The following HPSE2 variants were observed in gnomAD, a reference collection of about 807,000 sequenced individuals.
The protein encoded by HPSE2 is heparanase 2 (inactive).
A neutral mutation model predicts 60.5 loss-of-function variants in HPSE2; 38 were observed. The observed-to-expected ratio is 0.63, with a 90% CI of 0.48 to 0.82. The LOEUF (loss-of-function observed/expected upper bound fraction) is 0.82, where lower values mean the gene tolerates loss of function less well. Ranked by LOEUF, HPSE2 falls within the 40% of genes least tolerant of loss-of-function variation. The probability of loss-of-function intolerance (pLI) is 0.00; values close to 1 mark genes in which losing one functional copy is unlikely to be tolerated. For synonymous variants in HPSE2, 295 were observed against 293.2 expected (o/e 1.01, Z -0.06); for missense variants, 713 against 740.4 (o/e 0.96, Z 0.43).
chr10:98,802,284 T>A (rs1050886564), intron 3 of HPSE2, among the ~76,000 whole-genome samples: 46 of 129,734 alleles, frequency 3.5e-4, no homozygotes, highest in Non-Finnish European at 5.6e-4. Flanking sequence ...TTCTTTTTTT[T>A]AAATTTTCTC....
chr10:98,781,489 T>C (rs1331306855), intron 3 of HPSE2, among the ~76,000 whole-genome samples: 2 of 152,146 alleles, frequency 1.3e-5, no homozygotes, highest in African/African-American at 2.4e-5. Flanking sequence ...ATGGATATCA[T>C]ATCGTTAACA....
At position 98,528,459 on chromosome 10, in the gene HPSE2, C is replaced by CA. The variant is rs200929021; in HGVS notation, c.1321-38264dup. On this transcript the variant is annotated intron_variant, in intron 9 of 11. Transcript: ENST00000370552. ...ATTTCCGGAGGCAGAGCTGGAATTACAAAAAAAAAGCAGGAGAGCAAAGAG... is the reference window on the plus strand; with the variant it reads ...ATTTCCGGAGGCAGAGCTGGAATTACAAAAAAAAAAGCAGGAGAGCAAAGAG... 1.8e-3 allele frequency among the ~76,000 whole-genome samples: 270 copies of CA among 150,710 alleles called. 1 individual carries two copies. Among genetic ancestry groups the CA allele is most frequent in the African/African-American group, 6.1e-3 (250 of 41,082 alleles).
the HPSE2 span, among the ~76,000 whole-genome samples, chr10:99,285,059 T>C: frequency 2.6e-5 from 4 of 152,148 alleles, no homozygotes; most frequent in African/African-American, 9.7e-5. Flanking sequence ...TTTCAACTTT[T>C]ATTTTAGAAT....
chr10:98,652,012 C>A (rs1946929806), intron 6 of HPSE2, among the ~76,000 whole-genome samples: 2 of 152,142 alleles, frequency 1.3e-5, no homozygotes, highest in Non-Finnish European at 2.9e-5. Context: ...CTCAGGTGAT[C>A]CACCTGCCTC....
intron 3 of HPSE2, among the ~76,000 whole-genome samples, chr10:98,758,314 C>CAA (rs61264642): frequency 0.54 from 79,291 of 147,232 alleles, 22,931 homozygotes; most frequent in South Asian, 0.75. Flanking sequence ...AAAGCAATTA[C>CAA]AAAAAAAAAA....
At chr10:98,985,621 G>A (rs1333186471) in intron 3 of HPSE2, among the ~76,000 whole-genome samples, 1 of 152,124 alleles carries the variant, frequency 6.6e-6, no homozygotes, top group Non-Finnish European at 1.5e-5. Context: ...ATAATGACAG[G>A]ATCATATTCA....
chr10:98,877,125 A>G (rs2134861647), intron 3 of HPSE2, among the ~76,000 whole-genome samples: 1 of 152,064 alleles, frequency 6.6e-6, no homozygotes, highest in East Asian at 1.9e-4. Context: ...AAAATGAATG[A>G]GCGTCCTTCG....
chr10:99,153,449 C>T (rs1163591648), intron 2 of HPSE2, among the ~76,000 whole-genome samples: 1 of 152,184 alleles, frequency 6.6e-6, no homozygotes, highest in Non-Finnish European at 1.5e-5. Context: ...TGACCCCTGA[C>T]CCCCGAGCAG....
At chr10:98,843,446 G>A (rs1951965410) in intron 3 of HPSE2, among the ~76,000 whole-genome samples, 1 of 152,158 alleles carries the variant, frequency 6.6e-6, no homozygotes, top group Non-Finnish European at 1.5e-5. Flanking sequence ...CAAAATTGGA[G>A]GGAAACAATG....
chr10:98,579,267 G>C (rs1944726479), intron 9 of HPSE2, among the ~76,000 whole-genome samples: 1 of 152,196 alleles, frequency 6.6e-6, no homozygotes. Context: ...AGATCCTGAA[G>C]CAGAGCTGAT....
At chr10:98,684,659 T>A (rs1403674056) in intron 6 of HPSE2, among the ~76,000 whole-genome samples, 1 of 152,120 alleles carries the variant, frequency 6.6e-6, no homozygotes, top group African/African-American at 2.4e-5. Flanking sequence ...TCATCTTCCA[T>A]AGGAGCATCA....
intron 3 of HPSE2, among the ~76,000 whole-genome samples, chr10:98,748,617 A>AG (rs1315639470): frequency 6.6e-6 from 1 of 152,176 alleles, no homozygotes; most frequent in African/African-American, 2.4e-5. Flanking sequence ...AAAAGTATAC[A>AG]GGCTTGGGTG....
At chr10:99,019,979 T>A (rs1436250711) in intron 3 of HPSE2, among the ~76,000 whole-genome samples, 1 of 152,140 alleles carries the variant, frequency 6.6e-6, no homozygotes, top group East Asian at 1.9e-4. Flanking sequence ...CCCAAAGTGC[T>A]GGGATTACAG....
the HPSE2 span, among the ~76,000 whole-genome samples, chr10:99,266,172 C>A: frequency 6.6e-6 from 1 of 152,174 alleles, no homozygotes; most frequent in African/African-American, 2.4e-5. Context: ...AGACACAGCA[C>A]AGAAGCCACA....
chr10:98,698,564 C>T (rs1456977073), intron 5 of HPSE2, among the ~76,000 whole-genome samples: 1 of 152,084 alleles, frequency 6.6e-6, no homozygotes, highest in Non-Finnish European at 1.5e-5. Context: ...GACACCCTAA[C>T]ATCCCAATTA....
chr10:99,211,120 T>G (rs1038558960), intron 2 of HPSE2, among the ~76,000 whole-genome samples: 1 of 151,578 alleles, frequency 6.6e-6, no homozygotes, highest in Non-Finnish European at 1.5e-5. Context: ...ACACTAACAA[T>G]GAACTATCCA....
chr10:99,184,523 A>C (rs796533846), intron 2 of HPSE2, among the ~76,000 whole-genome samples: 146 of 16,684 alleles, frequency 8.8e-3, no homozygotes, highest in African/African-American at 0.015. Context: ...AGACTGTCTC[A>C]AAAAAAAAAA....
At chr10:99,292,633 G>A in the HPSE2 span, among the ~76,000 whole-genome samples, 1 of 151,886 alleles carries the variant, frequency 6.6e-6, no homozygotes, top group African/African-American at 2.4e-5. Context: ...TATTTTAAAA[G>A]GTTAAATAAA....
intron 3 of HPSE2, among the ~76,000 whole-genome samples, chr10:99,007,641 T>C (rs1259684916): frequency 5.3e-5 from 8 of 152,130 alleles, no homozygotes; most frequent in Admixed American, 5.2e-4. Context: ...TATATATAAA[T>C]AAGAGATGGC....
Sources: gnomAD v4.1 joint callset for allele counts (sites outside exome capture counted in the v4.1 genomes callset) on GRCh38, gnomAD v4.1.1 for gene constraint, MANE v1.5 for transcripts, NCBI Gene and HGNC (gene_info 2026-07-23, HGNC 2026-07-21) for gene names.